The following CCZ1B variants were observed in gnomAD, a reference collection of about 807,000 sequenced individuals.
CCZ1B encodes the protein CCZ1B vacuolar protein trafficking and biogenesis associated, also known as vacuolar fusion protein CCZ1 homolog B.
In CCZ1B, 25 loss-of-function variants were observed where a neutral mutation model predicts 58.8. That is an observed-to-expected ratio of 0.43 (90% confidence interval 0.31 to 0.59). The LOEUF (loss-of-function observed/expected upper bound fraction) is 0.59. Ranked by LOEUF, CCZ1B falls within the 20% of genes least tolerant of loss-of-function variation. CCZ1B has a pLI of 0.12. For missense variants in CCZ1B, 180 were observed against 501.5 expected (o/e 0.36, Z 6.12); for synonymous variants, 66 against 173.2 (o/e 0.38, Z 4.86).
At chr7:6,819,036 G>C (rs1270580837) in intron 7 of CCZ1B, among the ~76,000 whole-genome samples, 1 of 138,250 alleles carries the variant, frequency 7.2e-6, no homozygotes, top group Non-Finnish European at 1.5e-5. Flanking sequence ...TGTAATCCCA[G>C]CACTTTGGGA....
chr7:6,804,307 C>T (rs896110331), intron 12 of CCZ1B, among the ~76,000 whole-genome samples: 3 of 124,974 alleles, frequency 2.4e-5, no homozygotes, highest in Non-Finnish European at 4.9e-5. Flanking sequence ...CCTGTAATCC[C>T]AGCTACTCAA....
At chr7:6,823,416 T>G in intron 4 of CCZ1B, 56 bp from the exon 5 acceptor site, 4 of 1,595,548 alleles carry the variant, frequency 2.5e-6, no homozygotes, top group Non-Finnish European at 2.6e-6. Flanking sequence ...CAATGTCTAC[T>G]GGATAGATGG....
Position 6,821,653 on chromosome 7 carries a change from C to T in CCZ1B, c.522+628G>A, listed in dbSNP as rs1217172910. ...CTTTAACCCCAGCACTTTGGGAGGC[C>T]AAGGAGGGAAGATCGCTTGAAACCA... On this transcript the variant is annotated intron_variant, in intron 6 of 14. Coordinates refer to ENST00000316731, the MANE Select transcript of CCZ1B (RefSeq NM_198097.5). 6.6e-5 allele frequency among the ~76,000 whole-genome samples: 10 copies of T among 151,722 alleles called. No homozygotes were observed. The East Asian group carries it at 1.7e-3, about 26-fold the overall frequency.
At chr7:6,822,560 T>G in intron 5 of CCZ1B, 196 bp from the exon 6 acceptor site, 1 of 1,080,518 alleles carries the variant, frequency 9.3e-7, no homozygotes, top group Non-Finnish European at 1.2e-6. Flanking sequence ...TGATGCTGTT[T>G]TATGAAACCA....
chr7:6,810,818 A>ATCATGTTT (rs1464491988), intron 10 of CCZ1B, among the ~76,000 whole-genome samples: 2 of 149,378 alleles, frequency 1.3e-5, no homozygotes, highest in Non-Finnish European at 3.0e-5. Context: ...TGTCCTCGGA[A>ATCATGTTT]TCATGTTTCT....
rs1232287510 is a variant in CCZ1B, at chr7:6,820,581, G to A, written c.523-640C>T. Among the ~76,000 whole-genome samples the A allele has an allele frequency of 1.3e-5, 2 of 148,268 alleles. 1 individual carries two copies. The highest frequency in any genetic ancestry group is 3.0e-5 in the Non-Finnish European group (2 of 67,308). ...TTCTCGTGTCTAGGCATCCCAAAGC[G>A]CTGGGAATACAGGCATGAGCCACTG... On this transcript the variant is annotated intron_variant, in intron 6 of 14. Transcript: ENST00000316731.
At chr7:6,817,162 C>T (rs1429353057) in intron 7 of CCZ1B, among the ~76,000 whole-genome samples, 2 of 152,180 alleles carry the variant, frequency 1.3e-5, no homozygotes, top group Non-Finnish European at 2.9e-5. Context: ...CAGTTCTGTG[C>T]AGCCACCAGA....
chr7:6,816,759 TTTTC>T (rs1477718136), intron 7 of CCZ1B, among the ~76,000 whole-genome samples: 1 of 151,494 alleles, frequency 6.6e-6, no homozygotes, highest in Non-Finnish European at 1.5e-5. Flanking sequence ...AACGTGCTGT[TTTTC>T]TTTTTCTTAG....
intron 12 of CCZ1B, among the ~76,000 whole-genome samples, chr7:6,801,859 C>T (rs960210994): frequency 1.8e-5 from 2 of 114,120 alleles, no homozygotes; most frequent in Admixed American, 1.0e-4. Flanking sequence ...CAGGCGTGAG[C>T]CCCCGCGCCC....
intron 10 of CCZ1B, among the ~76,000 whole-genome samples, chr7:6,811,161 G>A (rs1272876556): frequency 6.6e-6 from 1 of 150,972 alleles, no homozygotes; most frequent in Non-Finnish European, 1.5e-5. Flanking sequence ...CACCTTTCCA[G>A]GCCCAGGCCC....
At chr7:6,813,359 G>T (rs1782947194) in intron 8 of CCZ1B, among the ~76,000 whole-genome samples, 1 of 149,312 alleles carries the variant, frequency 6.7e-6, no homozygotes, top group Admixed American at 6.7e-5. Flanking sequence ...GCCAAGGCAG[G>T]CAGATTACTT....
intron 8 of CCZ1B, among the ~76,000 whole-genome samples, chr7:6,813,477 C>A (rs1782948838): frequency 1.3e-5 from 2 of 149,112 alleles, no homozygotes; most frequent in Non-Finnish European, 3.0e-5. Flanking sequence ...ACTTGGGAGG[C>A]TGAGGTGACA....
In CCZ1B at chr7:6,819,856, T is replaced by A; in HGVS notation, c.608A>T (p.Tyr203Phe). 6.3e-7 allele frequency: 1 copy of A among 1,577,710 alleles called. No individual in the cohort carries two copies. The highest frequency in any genetic ancestry group is 8.7e-7 in the Non-Finnish European group (1 of 1,153,434). The change falls in exon 7 of 15, where the codon TAT becomes TTT. Residue 203 changes from tyrosine to phenylalanine, a missense_variant. Tyr to Phe is a conservative substitution (Grantham distance 22). Coordinates refer to ENST00000316731, the MANE Select transcript of CCZ1B (RefSeq NM_198097.5). ...ATTAATAAAGGACTGGATTTTCAAA[T>A]AAGTCATTTTATCCAACGGGAAGAA... The part of the protein sequence containing the change: ...ISFFPLDKMT[Y>F]LKIQSFINRM...
chr7:6,811,986 T>A lies in CCZ1B; in HGVS notation c.920A>T (p.Asp307Val), dbSNP rs751680640. Residue 307 changes from aspartate (D) to valine (V), a missense_variant, in exon 10 of 15, where the codon GAC becomes GTC. Transcript: ENST00000316731. ...RFPKIFVNTD[D>V]TYEELHLIVY... The stretch of plus-strand genomic sequence containing the variant: ...GATTAAATGGAGCTCTTCATAAGTG[T>A]CATCTGTATTTACAAAAATTTTGGG... 3 of 1,575,418 alleles carry A rather than the reference T, an allele frequency of 1.9e-6. No homozygotes were observed. The South Asian group carries it at 3.4e-5, about 18-fold the overall frequency.
intron 5 of CCZ1B, among the ~76,000 whole-genome samples, chr7:6,822,969 A>C (rs544244218): frequency 2.0e-4 from 30 of 146,472 alleles, no homozygotes; most frequent in Non-Finnish European, 4.0e-4. Flanking sequence ...GCCTCCCAGA[A>C]TGCTGAAATT....
Position 6,816,650 on chromosome 7 carries a change from C to T in CCZ1B, c.699-1805G>A, listed in dbSNP as rs1014768121. Among the ~76,000 whole-genome samples, 44 of 150,868 alleles carry T rather than the reference C, an allele frequency of 2.9e-4. 2 individuals are homozygous for T. The highest frequency in any genetic ancestry group is 5.3e-4 in the Admixed American group (8 of 15,120). Reference sequence around the variant, plus strand: ...GGCTCAAGCGATCCTTCTGCCTCCTCCTCCCCAGTAGCTGGGACTATAGGT... The same window carrying T: ...GGCTCAAGCGATCCTTCTGCCTCCTTCTCCCCAGTAGCTGGGACTATAGGT... On this transcript the variant is annotated intron_variant, in intron 7 of 14. Coordinates refer to ENST00000316731, the MANE Select transcript of CCZ1B (RefSeq NM_198097.5).
intron 7 of CCZ1B, among the ~76,000 whole-genome samples, chr7:6,818,352 C>A (rs1783039854): frequency 6.7e-6 from 1 of 149,582 alleles, no homozygotes; most frequent in Non-Finnish European, 1.5e-5. Flanking sequence ...AGTTTAGGAC[C>A]AGCCTGGCCA....
rs199621613 is a variant in CCZ1B, at chr7:6,812,957, C to G, written c.842+19G>C. ...AGAAAGAAAACCCAGTATCATAAAT[C>G]AAAGAACAGAAGTCCTACCTTCCAT... On this transcript the variant is annotated intron_variant, in intron 9 of 14. Coordinates refer to ENST00000316731, the MANE Select transcript of CCZ1B (RefSeq NM_198097.5). 11,806 of 1,554,802 alleles carry G rather than the reference C, an allele frequency of 7.6e-3. 110 individuals are homozygous for G. Among genetic ancestry groups the G allele is most frequent in the Non-Finnish European group, 9.1e-3 (10,482 of 1,149,034 alleles).
chr7:6,820,056 G>A, intron 6 of CCZ1B, 115 bp from the exon 7 acceptor site: 2 of 1,358,406 alleles, frequency 1.5e-6, no homozygotes, highest in Non-Finnish European at 1.0e-6. Context: ...TTACATACTA[G>A]CAAACAGCAC....
Sources: allele counts gnomAD v4.1 joint callset (sites outside exome capture counted in the v4.1 genomes callset), GRCh38; gene constraint gnomAD v4.1.1; transcripts MANE v1.5; gene names NCBI Gene and HGNC (gene_info 2026-07-23, HGNC 2026-07-21).